TACC2: variants seen among roughly 807,000 people sequenced by gnomAD.
The protein encoded by TACC2 is transforming acidic coiled-coil containing protein 2.
A neutral mutation model predicts 227.3 loss-of-function variants in TACC2; 137 were observed. The observed-to-expected ratio is 0.60, with a 90% CI of 0.52 to 0.69. The LOEUF is 0.69. Among genes scored for constraint, TACC2 ranks in the 30% least tolerant of loss-of-function variants. The pLI, the probability that TACC2 is intolerant of heterozygous loss-of-function variation, is 0.00. For synonymous variants in TACC2, 1,523 were observed against 1,487.5 expected (o/e 1.02, Z -0.55); for missense variants, 3,470 against 3,694.4 (o/e 0.94, Z 1.57).
chr10:122,200,611 A>G (rs2094767105), intron 8 of TACC2, among the ~76,000 whole-genome samples: 2 of 147,650 alleles, frequency 1.4e-5, no homozygotes, highest in South Asian at 2.2e-4. Context: ...GGCCACATCT[A>G]CAGTGAGAGG....
intron 6 of TACC2, among the ~76,000 whole-genome samples, chr10:122,138,314 C>T (rs1346493629): frequency 6.6e-6 from 1 of 152,152 alleles, no homozygotes; most frequent in Non-Finnish European, 1.5e-5. Flanking sequence ...TTGAGACCAG[C>T]CTGGCCAACA....
At chr10:121,997,116 G>A (rs905047257) in intron 1 of TACC2, among the ~76,000 whole-genome samples, 8 of 152,310 alleles carry the variant, frequency 5.3e-5, no homozygotes, top group South Asian at 2.1e-4. Context: ...GGATGAGGAC[G>A]TAGATGAGAC....
chr10:122,222,476 A>C (rs2095541023), intron 11 of TACC2, among the ~76,000 whole-genome samples: 1 of 152,212 alleles, frequency 6.6e-6, no homozygotes, highest in Admixed American at 6.5e-5. Flanking sequence ...GGGCCTTCTG[A>C]AACCAGGCAT....
At chr10:122,233,358 T>C (rs1301332177) in intron 16 of TACC2, among the ~76,000 whole-genome samples, 1 of 152,142 alleles carries the variant, frequency 6.6e-6, no homozygotes, top group Non-Finnish European at 1.5e-5. Context: ...CCTTTCTGGA[T>C]TGGGGGACCC....
intron 2 of TACC2, among the ~76,000 whole-genome samples, chr10:122,044,452 A>G (rs1433712794): frequency 6.6e-6 from 1 of 152,214 alleles, no homozygotes; most frequent in Non-Finnish European, 1.5e-5. Context: ...TCAGCCTGGC[A>G]GTTGTTTCTG....
chr10:122,176,750 T>C (rs1237765877), intron 7 of TACC2, among the ~76,000 whole-genome samples: 1 of 152,194 alleles, frequency 6.6e-6, no homozygotes, highest in African/African-American at 2.4e-5. Flanking sequence ...CTAGGTTCTT[T>C]GGCTGGGCTA....
chr10:122,045,667 G>A (rs189683046), intron 2 of TACC2, among the ~76,000 whole-genome samples: 144 of 152,310 alleles, frequency 9.5e-4, no homozygotes, highest in African/African-American at 3.2e-3. Flanking sequence ...AGGGCAGAAG[G>A]CAAGCCTCTC....
chr10:122,139,902 G>C (rs999453366), intron 6 of TACC2, among the ~76,000 whole-genome samples: 2 of 152,202 alleles, frequency 1.3e-5, no homozygotes, highest in Non-Finnish European at 2.9e-5. Flanking sequence ...CTTGCACAAG[G>C]GCTTAATTTG....
At chr10:122,192,655 GA>G in intron 7 of TACC2, 1 of 456,204 alleles carries the variant, frequency 2.2e-6, no homozygotes, top group Non-Finnish European at 4.4e-6. Context: ...GAATTTGGGG[GA>G]CAGAGGCTGT....
At position 122,003,247 on chromosome 10, in the gene TACC2, C is replaced by T. The variant is rs146796272; in HGVS notation, c.-46+13759C>T. Among the ~76,000 whole-genome samples, 204 of 151,826 alleles carry T rather than the reference C, an allele frequency of 1.3e-3. 1 individual carries two copies. The highest frequency in any genetic ancestry group is 4.4e-3 in the African/African-American group (183 of 41,456). On this transcript the variant is annotated intron_variant, in intron 1 of 22. Coordinates refer to ENST00000369005, the MANE Select transcript of TACC2 (RefSeq NM_206862.4). ...TTAGGATTTTGATTTGTTCATTAAT[C>T]GCTCATTTTTCTCTTCTCTACTTCA...
In TACC2 at chr10:122,086,737, G is replaced by A. The variant is rs201709460; in HGVS notation, c.4237G>A (p.Ala1413Thr). ...TGFPDFREHIAKIFEKPVLGA... is the reference protein window; with the variant it reads ...TGFPDFREHITKIFEKPVLGA... The stretch of plus-strand genomic sequence containing the variant: ...CTTCCCAGACTTCAGGGAGCACATC[G>A]CCAAGATCTTCGAGAAGCCTGTGCT... Residue 1413 changes from alanine to threonine, a missense_variant, in exon 4 of 23, where the codon GCC becomes ACC. Physicochemically the swap from Ala to Thr is moderately conservative, Grantham distance 58. This residue lies in a region of TACC2 where 1,924 missense variants were observed against 1,978.3 expected (regional missense o/e 0.97). Coordinates refer to ENST00000369005, the MANE Select transcript of TACC2 (RefSeq NM_206862.4). 2.6e-4 allele frequency: 415 copies of A among 1,613,802 alleles called. No individual in the cohort carries two copies. The highest frequency in any genetic ancestry group is 3.3e-4 in the Non-Finnish European group (385 of 1,179,988).
At chr10:122,055,095 C>CTGTA (rs937748923) in intron 3 of TACC2, among the ~76,000 whole-genome samples, 1 of 152,070 alleles carries the variant, frequency 6.6e-6, no homozygotes, top group African/African-American at 2.4e-5. Context: ...CGGCATGCAT[C>CTGTA]TGTAGTCCCA....
At chr10:122,155,995 G>A (rs918391707) in intron 7 of TACC2, among the ~76,000 whole-genome samples, 4 of 151,442 alleles carry the variant, frequency 2.6e-5, no homozygotes, top group Admixed American at 2.0e-4. Context: ...CCGCCACCAC[G>A]CCCGGCTAAT....
intron 2 of TACC2, among the ~76,000 whole-genome samples, chr10:122,048,407 CCCTCCCTCCCTTCCTTCCCTCCTTGCTT>C (rs2075287212): frequency 1.6e-5 from 2 of 128,286 alleles, no homozygotes; most frequent in Admixed American, 8.3e-5. Context: ...CTTCCTTCCT[CCCTCCCTCCCTTCCTTCCCTCCTTGCTT>C]CCTCCCTCCC....
At position 122,211,619 on chromosome 10, in the gene TACC2, T is replaced by C; in HGVS notation, c.7194T>C (p.Phe2398=). ...PSSPSKSPAS[F]EIPASAMEAN... is the part of the protein sequence containing the mutation. ...CACCTTCTAAATCCCCAGCCTCCTT[T>C]GAGATCCCAGCCAGTGCTATGGAAG... Residue 2398 remains phenylalanine, a synonymous_variant, in exon 9 of 23, where the codon TTT becomes TTC. Transcript: ENST00000369005. The C allele has an allele frequency of 6.2e-7, 1 of 1,613,428 alleles. No individual in the cohort carries two copies. Among genetic ancestry groups the C allele is most frequent in the Non-Finnish European group, 8.5e-7 (1 of 1,179,728 alleles).
At chr10:122,172,904 C>T (rs1481129675) in intron 7 of TACC2, among the ~76,000 whole-genome samples, 1 of 152,042 alleles carries the variant, frequency 6.6e-6, no homozygotes, top group African/African-American at 2.4e-5. Context: ...AGTTTGGACC[C>T]CCAAACCTGT....
chr10:122,210,035 A>G lies in TACC2; in HGVS notation c.5972-362A>G, dbSNP rs60130569. 3,756 of 245,356 alleles carry G rather than the reference A, an allele frequency of 0.015. 281 individuals carry two copies. The East Asian group carries it at 0.23, about 15-fold the overall frequency. The allele number at this position is 245,356 out of a possible 1,614,324, so 15.2% of individuals were successfully genotyped here. A position where few individuals can be genotyped will look rare whatever the true frequency, so the allele number is the denominator to read the frequency against. On this transcript the variant is annotated intron_variant, in intron 8 of 22. Coordinates refer to ENST00000369005, the MANE Select transcript of TACC2 (RefSeq NM_206862.4). The surrounding 1 kb of genome is among the most constrained non-coding windows in gnomAD (Gnocchi z 4.6). ...TCTTCCCCTGAAGAATGTGACTTCCAGGAAGGGAAAGGTTTTGTCTATTTC... is the reference window on the plus strand; with the variant it reads ...TCTTCCCCTGAAGAATGTGACTTCCGGGAAGGGAAAGGTTTTGTCTATTTC...
intron 8 of TACC2, among the ~76,000 whole-genome samples, chr10:122,195,377 G>A (rs1008011810): frequency 6.6e-6 from 1 of 151,892 alleles, no homozygotes; most frequent in African/African-American, 2.4e-5. Flanking sequence ...CATTTGCTTT[G>A]CAGAATTTTA....
In TACC2 at chr10:122,005,636, G is replaced by A. The variant is rs563478303; in HGVS notation, c.-46+16148G>A. On this transcript the variant is annotated intron_variant, in intron 1 of 22. Coordinates refer to ENST00000369005, the MANE Select transcript of TACC2 (RefSeq NM_206862.4). ...CCTGACCTTGTGATCCACCCACCTC[G>A]GCCTCCCAAAGTGCTGGGATTACAG... Among the ~76,000 whole-genome samples the A allele has an allele frequency of 1.7e-4, 26 of 150,400 alleles. No individual in the cohort carries two copies. In the East Asian group the frequency reaches 2.4e-3, roughly 14 times the overall value.
Sources: allele counts gnomAD v4.1 joint callset (sites outside exome capture counted in the v4.1 genomes callset), GRCh38; gene constraint gnomAD v4.1.1; regional missense constraint gnomAD v4.1.1; non-coding constraint Gnocchi (gnomAD v3.1); transcripts MANE v1.5; gene names NCBI Gene and HGNC (gene_info 2026-07-23, HGNC 2026-07-21).